Variants in INTS8 observed in about 807,000 individuals in gnomAD.
INTS8 encodes the protein protein kaonashi-1.
A neutral mutation model predicts 138.9 loss-of-function variants in INTS8; 47 were observed. That is an observed-to-expected ratio of 0.34 (90% confidence interval 0.27 to 0.43). INTS8 has a LOEUF of 0.43. Ranked by LOEUF, INTS8 falls within the 20% of genes least tolerant of loss-of-function variation. The pLI is 1.00. For synonymous variants in INTS8, 392 were observed against 400.9 expected (o/e 0.98, Z 0.27); for missense variants, 996 against 1,173.0 (o/e 0.85, Z 2.20).
At chr8:94,845,032 G>T (rs1265607772) in intron 10 of INTS8, among the ~76,000 whole-genome samples, 1 of 152,098 alleles carries the variant, frequency 6.6e-6, no homozygotes, top group African/African-American at 2.4e-5. Flanking sequence ...GTGATTACAG[G>T]CATGAGCCAC....
At chr8:94,859,280 C>G (rs1278026714) in intron 15 of INTS8, among the ~76,000 whole-genome samples, 2 of 151,154 alleles carry the variant, frequency 1.3e-5, no homozygotes, top group African/African-American at 4.9e-5. Flanking sequence ...GACCCTGTCT[C>G]TACAAAATTT....
At chr8:94,831,576 G>A (rs1814717450) in intron 5 of INTS8, among the ~76,000 whole-genome samples, 1 of 149,560 alleles carries the variant, frequency 6.7e-6, no homozygotes, top group African/African-American at 2.5e-5. Flanking sequence ...CCACCTCCCA[G>A]GTTCAAGCAA....
At position 94,838,044 on chromosome 8, in the gene INTS8, CTT is replaced by C. The variant is rs776858651; in HGVS notation, c.862-403_862-402del. Among the ~76,000 whole-genome samples, 580 of 134,266 alleles carry C rather than the reference CTT, an allele frequency of 4.3e-3. 2 individuals are homozygous for C. The highest frequency in any genetic ancestry group is 0.013 in the African/African-American group (483 of 36,246). 88.1% of individuals were successfully genotyped at this position (134,266 alleles called of 152,430 possible). ...TCTTCCAGTTTTAAATTTTTCTTTT[CTT>C]TTTTTTTTTTTTTTTCCTGGGACGG... On this transcript the variant is annotated intron_variant, in intron 7 of 26. Coordinates refer to ENST00000523731, the MANE Select transcript of INTS8 (RefSeq NM_017864.4).
intron 9 of INTS8, among the ~76,000 whole-genome samples, chr8:94,841,992 C>A (rs947295164): frequency 6.6e-6 from 1 of 151,814 alleles, no homozygotes; most frequent in African/African-American, 2.4e-5. Context: ...TCGCTTGAAC[C>A]CAGGAGGTGG....
In INTS8 at chr8:94,854,492, C is replaced by A. The variant is rs191840896; in HGVS notation, c.1752+577C>A. On this transcript the variant is annotated intron_variant, in intron 14 of 26. Coordinates refer to ENST00000523731, the MANE Select transcript of INTS8 (RefSeq NM_017864.4). ...GGATTCAGCTAGTAAAGATTGTGTACCAAGATTAAAAAACAAACTTTCTAA... is the reference window on the plus strand; with the variant it reads ...GGATTCAGCTAGTAAAGATTGTGTAACAAGATTAAAAAACAAACTTTCTAA... Among the ~76,000 whole-genome samples, 84 of 152,104 alleles carry A rather than the reference C, an allele frequency of 5.5e-4. 1 individual carries two copies. The highest frequency in any genetic ancestry group is 1.4e-3 in the Admixed American group (22 of 15,266).
intron 20 of INTS8, among the ~76,000 whole-genome samples, chr8:94,870,227 A>T (rs1462174961): frequency 4.0e-5 from 6 of 151,666 alleles, no homozygotes; most frequent in African/African-American, 1.5e-4. Context: ...AATTTTTTGT[A>T]TTTTTAGTAG....
chr8:94,828,572 C>T (rs79802026), intron 4 of INTS8, among the ~76,000 whole-genome samples: 2,353 of 152,112 alleles, frequency 0.015, 61 homozygotes, highest in African/African-American at 0.054. Flanking sequence ...AGCTAGAAAG[C>T]ATAGTTTCTA....
Position 94,823,342 on chromosome 8 carries a change from C to T in INTS8, c.-90C>T, listed in dbSNP as rs933450093. 9 of 1,510,082 alleles carry T rather than the reference C, an allele frequency of 6.0e-6. No individual in the cohort carries two copies. Among genetic ancestry groups the T allele is most frequent in the Middle Eastern group, 3.4e-4 (2 of 5,846 alleles). 93.5% of individuals were successfully genotyped at this position (1,510,082 alleles called of 1,614,324 possible). On this transcript the variant is annotated 5_prime_UTR_variant, in exon 1 of 27. Coordinates refer to ENST00000523731, the MANE Select transcript of INTS8 (RefSeq NM_017864.4). Reference sequence around the variant, plus strand: ...GTTCGGAGGGTGGCCTCTCTCCCACCGGGTTCCGCATACCCCAGGCACCGG... The same window carrying T: ...GTTCGGAGGGTGGCCTCTCTCCCACTGGGTTCCGCATACCCCAGGCACCGG...
chr8:94,861,062 A>C lies in INTS8; in HGVS notation c.2076+1430A>C, dbSNP rs1424662938. 5.2e-4 allele frequency among the ~76,000 whole-genome samples: 76 copies of C among 146,656 alleles called. 1 individual carries two copies. In the East Asian group the frequency reaches 0.013, roughly 25 times the overall value. ...ACAGAGTGAGACTCTGTCTCAAAAA[A>C]AAAAAAAAAAAAATCCTTTAAATCT... is the stretch of plus-strand genomic sequence containing the variant. On this transcript the variant is annotated intron_variant, in intron 16 of 26. Coordinates refer to ENST00000523731, the MANE Select transcript of INTS8 (RefSeq NM_017864.4).
At chr8:94,830,594 C>T (rs1814676604) in intron 5 of INTS8, among the ~76,000 whole-genome samples, 1 of 151,860 alleles carries the variant, frequency 6.6e-6, no homozygotes. Flanking sequence ...ACCTCCCAGC[C>T]TCAAGCGATC....
chr8:94,835,788 T>G (rs76975612), intron 6 of INTS8, among the ~76,000 whole-genome samples: 2,132 of 152,180 alleles, frequency 0.014, 23 homozygotes, highest in Non-Finnish European at 0.022. Flanking sequence ...TTAGTAGAGA[T>G]AGGGTTTCAC....
chr8:94,858,614 T>A lies in INTS8; in HGVS notation c.1955-897T>A, dbSNP rs549915750. Among the ~76,000 whole-genome samples the A allele has an allele frequency of 6.1e-4, 93 of 152,352 alleles. 1 individual carries two copies. The highest frequency in any genetic ancestry group is 2.1e-3 in the African/African-American group (89 of 41,586). ...AGCTTCAGGTGCATAACTCATTTAGTCCTCATAGCAGCTCTGTGAAGTAGC... is the reference window on the plus strand; with the variant it reads ...AGCTTCAGGTGCATAACTCATTTAGACCTCATAGCAGCTCTGTGAAGTAGC... On this transcript the variant is annotated intron_variant, in intron 15 of 26. Coordinates refer to ENST00000523731, the MANE Select transcript of INTS8 (RefSeq NM_017864.4).
intron 2 of INTS8, among the ~76,000 whole-genome samples, chr8:94,826,737 TG>T (rs1409003136): frequency 6.6e-6 from 1 of 151,702 alleles, no homozygotes; most frequent in African/African-American, 2.4e-5. Flanking sequence ...TGCTAGATGA[TG>T]GTACATAGGG....
At chr8:94,851,783 C>G in intron 13 of INTS8, 97 bp downstream of exon 13, 1 of 962,156 alleles carries the variant, frequency 1.0e-6, no homozygotes, top group Non-Finnish European at 1.5e-6. Context: ...TAATAAGGAC[C>G]TCTTACTTAA....
chr8:94,839,787 T>G (rs754182831), intron 8 of INTS8, among the ~76,000 whole-genome samples: 30 of 152,166 alleles, frequency 2.0e-4, no homozygotes, highest in Non-Finnish European at 4.1e-4. Context: ...ATCCCAGCAC[T>G]TGGGAGGCCA....
chr8:94,853,156 A>T (rs541725291), intron 13 of INTS8, among the ~76,000 whole-genome samples: 6 of 152,088 alleles, frequency 3.9e-5, no homozygotes, highest in Admixed American at 3.9e-4. Flanking sequence ...TACTAAAAAT[A>T]TAAAAATTAG....
chr8:94,844,018 G>C (rs1815236334), intron 10 of INTS8, among the ~76,000 whole-genome samples: 1 of 145,880 alleles, frequency 6.9e-6, no homozygotes, highest in African/African-American at 2.5e-5. Flanking sequence ...TTTTGAGATA[G>C]AGTTCTGCTT....
chr8:94,881,580 C>G lies in INTS8; in HGVS notation c.*1346C>G. ...GTAAAACTTTAGTAGTTCAGTGATA[C>G]CAGTTCTACCCAATCTTGGTGAATT... is the stretch of plus-strand genomic sequence containing the variant. On this transcript the variant is annotated 3_prime_UTR_variant, in exon 27 of 27. Transcript: ENST00000523731. 1 of 1,584,710 alleles carries G rather than the reference C, an allele frequency of 6.3e-7. No homozygotes were observed. Among genetic ancestry groups the G allele is most frequent in the African/African-American group, 1.4e-5 (1 of 73,806 alleles).
chr8:94,842,070 A>G (rs1815155409), intron 9 of INTS8, among the ~76,000 whole-genome samples: 1 of 145,040 alleles, frequency 6.9e-6, no homozygotes, highest in African/African-American at 2.6e-5. Context: ...CTCCGTCTCA[A>G]AAGAAAAAAA....
Sources: allele counts gnomAD v4.1 joint callset (sites outside exome capture counted in the v4.1 genomes callset), GRCh38; gene constraint gnomAD v4.1.1; transcripts MANE v1.5; gene names NCBI Gene and HGNC (gene_info 2026-07-23, HGNC 2026-07-21).